Variants in C16orf89 observed in about 807,000 individuals in gnomAD.
The protein encoded by C16orf89 is chromosome 16 open reading frame 89, also known as UPF0764 protein C16orf89.
A neutral mutation model predicts 41.5 loss-of-function variants in C16orf89; 57 were observed. The ratio of observed to expected loss-of-function variants is 1.38; its 90% CI spans 1.11 to 1.71. The LOEUF is 1.71. Among genes scored for constraint, C16orf89 ranks in the 40% most tolerant of loss-of-function variants. The pLI is 0.00. For synonymous variants in C16orf89, 223 were observed against 190.6 expected (o/e 1.17, Z -1.40); for missense variants, 575 against 445.9 (o/e 1.29, Z -2.61).
At chr16:5,045,824 G>A (rs192071645) in intron 7 of C16orf89, among the ~76,000 whole-genome samples, 296 of 152,302 alleles carry the variant, frequency 1.9e-3, no homozygotes, top group African/African-American at 6.7e-3. Flanking sequence ...GCTGCCTCCT[G>A]CTCCGTGGGC....
At chr16:5,062,665 A>G in intron 1 of C16orf89, 91 bp from the exon 2 acceptor site, 1 of 1,370,270 alleles carries the variant, frequency 7.3e-7, no homozygotes, top group Non-Finnish European at 9.9e-7. Context: ...CCAAAGTCTA[A>G]TGCTTCCTGG....
intron 6 of C16orf89, among the ~76,000 whole-genome samples, chr16:5,048,514 A>G (rs1431948054): frequency 6.6e-6 from 1 of 152,190 alleles, no homozygotes; most frequent in African/African-American, 2.4e-5. Context: ...GTGGCTCCCC[A>G]AACACCCACC....
intron 6 of C16orf89, among the ~76,000 whole-genome samples, chr16:5,049,557 A>G (rs1956360333): frequency 6.6e-6 from 1 of 152,248 alleles, no homozygotes; most frequent in African/African-American, 2.4e-5. Context: ...GGAACTTTCA[A>G]AATTGTACAA....
chr16:5,055,661 G>T, intron 5 of C16orf89: 1 of 1,528,374 alleles, frequency 6.5e-7, no homozygotes, highest in Non-Finnish European at 8.8e-7. Context: ...CATCCATAAG[G>T]CTTTGTGGGT....
In C16orf89 at chr16:5,045,500, C is replaced by G. The variant is rs1453505419; in HGVS notation, c.956-1022G>C. ...AAGGGAGCCAGGAATTCTTTCCTCC[C>G]TACCCAGAGACTTTGGGAAGGGGAG... On this transcript the variant is annotated intron_variant, in intron 7 of 7. Coordinates refer to ENST00000472572, the MANE Select transcript of C16orf89 (RefSeq NM_001098514.3). 9.9e-5 allele frequency among the ~76,000 whole-genome samples: 15 copies of G among 152,158 alleles called. No individual in the cohort carries two copies. The East Asian group carries it at 2.9e-3, about 29-fold the overall frequency.
At position 5,061,511 on chromosome 16, in the gene C16orf89, CAAA is replaced by C. The variant is rs71139679; in HGVS notation, c.358+911_358+913del. On this transcript the variant is annotated intron_variant, in intron 2 of 7. Transcript: ENST00000472572. ...AAAAAAAAAAAAAAAAAAACCCCCC[CAAA>C]AAAAAAAACAAGTGGGGAGGTGGAA... 2.4e-4 allele frequency among the ~76,000 whole-genome samples: 17 copies of C among 71,174 alleles called. 1 individual carries two copies. Among genetic ancestry groups the C allele is most frequent in the African/African-American group, 7.2e-4 (14 of 19,346 alleles). The allele number at this position is 71,174 out of a possible 152,430, so 46.7% of individuals were successfully genotyped here.
intron 2 of C16orf89, among the ~76,000 whole-genome samples, 158 bp from the exon 3 acceptor site, chr16:5,060,594 C>G (rs569040602): frequency 6.6e-6 from 1 of 152,244 alleles, no homozygotes; most frequent in East Asian, 1.9e-4. Flanking sequence ...GTTTGAAACA[C>G]TCAAGAAAGC....
rs1956553178 is a variant in C16orf89 at position 5,058,475 on chromosome 16, G to A, written c.627+18C>T. 27 of 1,569,894 alleles carry A rather than the reference G, an allele frequency of 1.7e-5. No homozygotes were observed. The highest frequency in any genetic ancestry group is 2.3e-5 in the Non-Finnish European group (26 of 1,144,236). ...CTTCCCCTTCCCCTGGCACGGCGGG[G>A]GCTCCCTGGGCACTCACCATTCTGG... On this transcript the variant is annotated intron_variant, in intron 4 of 7. Transcript: ENST00000472572.
intron 6 of C16orf89, among the ~76,000 whole-genome samples, chr16:5,052,670 C>T (rs1352624139): frequency 6.6e-6 from 1 of 151,944 alleles, no homozygotes; most frequent in African/African-American, 2.4e-5. Context: ...CTCTTACACA[C>T]AGTTGATGGG....
At chr16:5,065,257 C>G (rs1008021430) in intron 1 of C16orf89, among the ~76,000 whole-genome samples, 1 of 152,148 alleles carries the variant, frequency 6.6e-6, no homozygotes, top group Non-Finnish European at 1.5e-5. Flanking sequence ...TTTTGCAGAA[C>G]CTTCAGGAGA....
intron 1 of C16orf89, among the ~76,000 whole-genome samples, chr16:5,065,257 C>T (rs1008021430): frequency 1.3e-5 from 2 of 152,148 alleles, no homozygotes; most frequent in South Asian, 2.1e-4. Flanking sequence ...TTTTGCAGAA[C>T]CTTCAGGAGA....
At chr16:5,050,638 A>G (rs926345248) in intron 6 of C16orf89, among the ~76,000 whole-genome samples, 1 of 152,166 alleles carries the variant, frequency 6.6e-6, no homozygotes, top group Non-Finnish European at 1.5e-5. Context: ...CTCATTCTAC[A>G]AGTTCAGCAT....
intron 4 of C16orf89, among the ~76,000 whole-genome samples, chr16:5,058,085 T>C (rs561201742): frequency 6.6e-5 from 10 of 152,180 alleles, no homozygotes; most frequent in Admixed American, 3.9e-4. Flanking sequence ...TCCTGGTGTG[T>C]AGCAGACAGA....
chr16:5,051,914 A>T lies in C16orf89; in HGVS notation c.868+3332T>A, dbSNP rs373077821. ...CAGGGGCTCAAGACCAGCTTGGCCA[A>T]CATGTAGAAACCCTGTCTCTACTGA... On this transcript the variant is annotated intron_variant, in intron 6 of 7. Transcript: ENST00000472572. Among the ~76,000 whole-genome samples, 8 of 152,216 alleles carry T rather than the reference A, an allele frequency of 5.3e-5. No homozygotes were observed. The South Asian group carries it at 8.3e-4, about 16-fold the overall frequency.
At chr16:5,045,861 C>T (rs1956286745) in intron 7 of C16orf89, among the ~76,000 whole-genome samples, 1 of 152,218 alleles carries the variant, frequency 6.6e-6, no homozygotes, top group Non-Finnish European at 1.5e-5. Context: ...AGAATCAGCA[C>T]ACCCCTCCTG....
Position 5,065,796 on chromosome 16 carries a change from A to G in C16orf89, c.113T>C (p.Leu38Pro), listed in dbSNP as rs762842972. 2.5e-5 allele frequency: 41 copies of G among 1,613,720 alleles called. No homozygotes were observed. The highest frequency in any genetic ancestry group is 3.4e-5 in the Non-Finnish European group (40 of 1,179,652). Residue 38 changes from leucine to proline, a missense_variant, in exon 1 of 8, where the codon CTG (leucine) becomes CCG (proline). Coordinates refer to ENST00000472572, the MANE Select transcript of C16orf89 (RefSeq NM_001098514.3). The part of the protein sequence containing the change: ...TAESKATIAD[L>P]ILSALERATV... Reference sequence around the variant, plus strand: ...GGCTCTCTCCAGCGCAGACAGGATCAGGTCTGCAATGGTGGCTTTACTTTC... The same window carrying G: ...GGCTCTCTCCAGCGCAGACAGGATCGGGTCTGCAATGGTGGCTTTACTTTC...
In C16orf89 at chr16:5,062,511, C is replaced by T. The variant is rs35089772; in HGVS notation, c.272G>A (p.Arg91His). The change falls in exon 2 of 8, where the codon CGC becomes CAC. Residue 91 changes from arginine to histidine, a missense_variant. By Grantham distance (29) the Arg-to-His change is conservative. Transcript: ENST00000472572. ...QEPLLQPLSL[R>H]VGMLGEKLEA... is the part of the protein sequence containing the mutation. ...CAGCTTCTCCCCCAGCATCCCCACG[C>T]GCAGGCTCAGCGGCTGCAGCAGGGG... 4.4e-4 allele frequency: 713 copies of T among 1,614,010 alleles called. 8 individuals are homozygous for T. The African/African-American group carries it at 8.6e-3, about 19-fold the overall frequency.
chr16:5,057,658 A>T lies in C16orf89; in HGVS notation c.627+835T>A, dbSNP rs112669190. Among the ~76,000 whole-genome samples, 339 of 151,460 alleles carry T rather than the reference A, an allele frequency of 2.2e-3. 2 individuals carry two copies. Among genetic ancestry groups the T allele is most frequent in the African/African-American group, 7.4e-3 (304 of 41,310 alleles). On this transcript the variant is annotated intron_variant, in intron 4 of 7. Coordinates refer to ENST00000472572, the MANE Select transcript of C16orf89 (RefSeq NM_001098514.3). ...ATTCTCCTGCCTCAGCCTCCCGAGT[A>T]GCTGGAATTACAGGTGCATGCCACT...
At chr16:5,061,793 A>G (rs1956632740) in intron 2 of C16orf89, among the ~76,000 whole-genome samples, 1 of 151,956 alleles carries the variant, frequency 6.6e-6, no homozygotes, top group Non-Finnish European at 1.5e-5. Context: ...ATCTGATGGG[A>G]GTGGGGAGCA....
Sources: allele counts gnomAD v4.1 joint callset (sites outside exome capture counted in the v4.1 genomes callset), GRCh38; gene constraint gnomAD v4.1.1; transcripts MANE v1.5; gene names NCBI Gene and HGNC (gene_info 2026-07-23, HGNC 2026-07-21).